The following RUNDC3B variants were observed in gnomAD, a reference collection of about 807,000 sequenced individuals.
RUNDC3B encodes RUN domain-containing protein 3B.
RUNDC3B carries 33 observed loss-of-function variants against 58.4 expected under a neutral mutation model. The observed-to-expected ratio is 0.56, with a 90% confidence interval of 0.43 to 0.75. The LOEUF (loss-of-function observed/expected upper bound fraction) is 0.75. Among genes scored for constraint, RUNDC3B ranks in the 30% least tolerant of loss-of-function variants. RUNDC3B has a pLI of 0.00. For synonymous variants in RUNDC3B, 193 were observed against 195.2 expected (o/e 0.99, Z 0.10); for missense variants, 501 against 535.7 (o/e 0.94, Z 0.64).
At chr7:87,744,720 G>A (rs1832542936) in intron 6 of RUNDC3B, among the ~76,000 whole-genome samples, 1 of 152,124 alleles carries the variant, frequency 6.6e-6, no homozygotes, top group Admixed American at 6.5e-5. Flanking sequence ...ACTTTCTGGA[G>A]GAGTCCTCAG....
At chr7:87,682,270 A>T (rs1371158635) in intron 2 of RUNDC3B, among the ~76,000 whole-genome samples, 1 of 152,174 alleles carries the variant, frequency 6.6e-6, no homozygotes, top group Non-Finnish European at 1.5e-5. Context: ...CATCCATGAG[A>T]GTTGGAATCA....
intron 8 of RUNDC3B, among the ~76,000 whole-genome samples, chr7:87,798,895 TTCAG>T (rs1295137487): frequency 2.0e-5 from 3 of 152,220 alleles, no homozygotes; most frequent in African/African-American, 7.2e-5. Flanking sequence ...GGTTGCTTCT[TTCAG>T]TATGTTTTCT....
intron 4 of RUNDC3B, among the ~76,000 whole-genome samples, chr7:87,739,073 A>G (rs1478945185): frequency 2.0e-5 from 3 of 151,932 alleles, no homozygotes; most frequent in African/African-American, 7.2e-5. Flanking sequence ...ATGATTTTAC[A>G]TTCATTTTTG....
intron 10 of RUNDC3B, among the ~76,000 whole-genome samples, chr7:87,818,445 CATG>C (rs1261446362): frequency 6.6e-6 from 1 of 152,160 alleles, no homozygotes; most frequent in Non-Finnish European, 1.5e-5. Flanking sequence ...AACATGTTCT[CATG>C]ATGAGTTAGT....
intron 8 of RUNDC3B, among the ~76,000 whole-genome samples, chr7:87,800,998 T>C (rs549899893): frequency 6.6e-6 from 1 of 152,268 alleles, no homozygotes; most frequent in African/African-American, 2.4e-5. Context: ...TTATACAATA[T>C]TTTTTATAAT....
chr7:87,798,306 T>A (rs1248272901), intron 8 of RUNDC3B, among the ~76,000 whole-genome samples: 1 of 152,230 alleles, frequency 6.6e-6, no homozygotes, highest in African/African-American at 2.4e-5. Flanking sequence ...GTTAGAAAGA[T>A]GATTAGGTTT....
chr7:87,653,942 G>A (rs1207241566), intron 2 of RUNDC3B, among the ~76,000 whole-genome samples: 2 of 151,888 alleles, frequency 1.3e-5, no homozygotes, highest in African/African-American at 4.8e-5. Context: ...TTGAAATTGA[G>A]GCTGAGTAAA....
intron 8 of RUNDC3B, among the ~76,000 whole-genome samples, chr7:87,796,584 T>C (rs1835832321): frequency 6.6e-6 from 1 of 152,170 alleles, no homozygotes; most frequent in African/African-American, 2.4e-5. Flanking sequence ...ACATAACATC[T>C]ACTCTGTACC....
intron 3 of RUNDC3B, among the ~76,000 whole-genome samples, chr7:87,702,625 G>A (rs1829194245): frequency 6.6e-6 from 1 of 152,048 alleles, no homozygotes; most frequent in African/African-American, 2.4e-5. Flanking sequence ...GTTTTGACTT[G>A]TGATACAGTA....
At chr7:87,802,099 A>G (rs191690217) in intron 8 of RUNDC3B, among the ~76,000 whole-genome samples, 88 of 152,322 alleles carry the variant, frequency 5.8e-4, no homozygotes, top group East Asian at 3.7e-3. Flanking sequence ...CTTAGTCAAG[A>G]TAAACTAATA....
At chr7:87,635,523 A>G (rs946643768) in intron 1 of RUNDC3B, among the ~76,000 whole-genome samples, 6 of 152,320 alleles carry the variant, frequency 3.9e-5, no homozygotes, top group Admixed American at 2.6e-4. Context: ...TCTTAGTGTC[A>G]AGTCTGTAGT....
At chr7:87,652,628 A>ATATATATATATATATATATATG (rs1823694790) in intron 2 of RUNDC3B, among the ~76,000 whole-genome samples, 2 of 147,836 alleles carry the variant, frequency 1.4e-5, no homozygotes, top group African/African-American at 5.0e-5. Context: ...ACTGATATAT[A>ATATATATATATATATATATATG]TATATATATA....
At chr7:87,814,861 A>G (rs1263317677) in intron 9 of RUNDC3B, among the ~76,000 whole-genome samples, 5 of 152,160 alleles carry the variant, frequency 3.3e-5, no homozygotes, top group Non-Finnish European at 7.4e-5. Context: ...CTGTCACCTC[A>G]TTCTTCATTT....
At chr7:87,682,597 G>A (rs1035128240) in intron 2 of RUNDC3B, among the ~76,000 whole-genome samples, 1 of 152,194 alleles carries the variant, frequency 6.6e-6, no homozygotes, top group Non-Finnish European at 1.5e-5. Context: ...CATTGTCAAT[G>A]AGCAGTAATA....
chr7:87,721,901 T>C (rs1363982266), intron 4 of RUNDC3B, among the ~76,000 whole-genome samples: 2 of 151,974 alleles, frequency 1.3e-5, no homozygotes, highest in East Asian at 1.9e-4. Context: ...TTTTATAGCG[T>C]TGCATTTTTT....
At chr7:87,747,822 A>G (rs558939427) in intron 6 of RUNDC3B, among the ~76,000 whole-genome samples, 1 of 151,864 alleles carries the variant, frequency 6.6e-6, no homozygotes, top group East Asian at 1.9e-4. Context: ...GGCCAGTCTC[A>G]CTCCCACCAT....
chr7:87,758,777 G>T (rs948559471), intron 6 of RUNDC3B, among the ~76,000 whole-genome samples: 21 of 152,092 alleles, frequency 1.4e-4, no homozygotes, highest in African/African-American at 5.1e-4. Context: ...ACTACAATGA[G>T]ATATCATCTC....
intron 3 of RUNDC3B, among the ~76,000 whole-genome samples, chr7:87,706,565 A>G (rs950777052): frequency 2.0e-5 from 3 of 152,210 alleles, no homozygotes; most frequent in African/African-American, 7.2e-5. Context: ...GGGAGCAACC[A>G]AGGCATGAGA....
At chr7:87,653,584 G>A (rs1823793407) in intron 2 of RUNDC3B, among the ~76,000 whole-genome samples, 1 of 151,976 alleles carries the variant, frequency 6.6e-6, no homozygotes, top group African/African-American at 2.4e-5. Context: ...TATTGGACAG[G>A]TTAGATTATT....
Sources: allele counts gnomAD v4.1 joint callset (sites outside exome capture counted in the v4.1 genomes callset), GRCh38; gene constraint gnomAD v4.1.1; transcripts MANE v1.5; gene names NCBI Gene and HGNC (gene_info 2026-07-23, HGNC 2026-07-21).